DYNC1H1: variants seen among roughly 807,000 people sequenced by gnomAD.
DYNC1H1 encodes the protein dynein cytoplasmic 1 heavy chain 1.
In DYNC1H1, 51 loss-of-function variants were observed where a neutral mutation model predicts 527.1. The ratio of observed to expected loss-of-function variants is 0.10; its 90% CI spans 0.08 to 0.12. The LOEUF is 0.12. Among genes scored for constraint, DYNC1H1 ranks in the 10% least tolerant of loss-of-function variants. The pLI is 1.00. For missense variants in DYNC1H1, 2,771 were observed against 5,971.8 expected (o/e 0.46, Z 17.66); for synonymous variants, 2,189 against 2,278.8 (o/e 0.96, Z 1.12).
Position 102,027,418 on chromosome 14 carries a change from A to G in DYNC1H1, c.8922A>G (p.Glu2974=), listed in dbSNP as rs749930805. Residue 2974 remains glutamate (E), a synonymous_variant, in exon 46 of 78, where the codon GAA becomes GAG. Transcript: ENST00000360184. The surrounding 1 kb of genome is among the most constrained non-coding windows in gnomAD (Gnocchi z 7.7). ...AGTACACAGGGGAAGACTTTGATGAAGATCTACGGACAGTGTTGAGACGTT... is the reference window on the plus strand; with the variant it reads ...AGTACACAGGGGAAGACTTTGATGAGGATCTACGGACAGTGTTGAGACGTT... ...HRKYTGEDFD[E]DLRTVLRRSG... 1 of 1,614,168 alleles carries G rather than the reference A, an allele frequency of 6.2e-7. No individual in the cohort carries two copies. Among genetic ancestry groups the G allele is most frequent in the Non-Finnish European group, 8.5e-7 (1 of 1,180,030 alleles).
intron 69 of DYNC1H1, 49 bp from the exon 70 acceptor site, chr14:102,043,826 C>G (rs754304651): frequency 1.2e-6 from 2 of 1,613,350 alleles, no homozygotes; most frequent in Non-Finnish European, 1.7e-6. Context: ...CTGTTCTTGG[C>G]GAAGTGCTGT....
chr14:101,996,115 TTTTTC>T lies in DYNC1H1; in HGVS notation c.3564+835_3564+839del, dbSNP rs1168213603. Among the ~76,000 whole-genome samples the T allele has an allele frequency of 2.1e-3, 314 of 151,160 alleles. 2 individuals carry two copies. Among genetic ancestry groups the T allele is most frequent in the African/African-American group, 7.2e-3 (297 of 41,240 alleles). On this transcript the variant is annotated intron_variant, in intron 15 of 77. Transcript: ENST00000360184. ...TCAGTGCAGATACTGGGCATCTAGG[TTTTTC>T]TTTTCTTTTCTTTTCTTTTTTTTTT...
intron 10 of DYNC1H1, 61 bp from the exon 11 acceptor site, chr14:101,991,465 TA>T (rs529817840): frequency 6.2e-6 from 10 of 1,606,298 alleles, no homozygotes. Context: ...AACTCTGTCT[TA>T]AAAAAATTTT....
In DYNC1H1 at chr14:101,975,730, GAGA is replaced by G. The variant is rs913021962; in HGVS notation, c.283_285del (p.Glu95del). 5 of 1,613,490 alleles carry G rather than the reference GAGA, an allele frequency of 3.1e-6. No individual in the cohort carries two copies. Among genetic ancestry groups the G allele is most frequent in the South Asian group, 1.1e-5 (1 of 91,044 alleles). ...TTTGTAGAGGACGTCGGTGATGAAGGAGAAGAAGAAAAAGAATTCATTTCCTAT... is the reference window on the plus strand; with the variant it reads ...TTTGTAGAGGACGTCGGTGATGAAGGAGAAGAAAAAGAATTCATTTCCTAT... On this transcript the variant is annotated inframe_deletion, in exon 2 of 78. Coordinates refer to ENST00000360184, the MANE Select transcript of DYNC1H1 (RefSeq NM_001376.5).
chr14:102,022,251 C>G (rs937513123), intron 42 of DYNC1H1, among the ~76,000 whole-genome samples: 1 of 151,970 alleles, frequency 6.6e-6, no homozygotes, highest in African/African-American at 2.4e-5. Flanking sequence ...AATCCCAGCA[C>G]TTTGGGAGGC....
rs932534422 is a variant in DYNC1H1 at position 102,053,031 on chromosome 14, A to T, written c.*2468A>T. The stretch of plus-strand genomic sequence containing the variant: ...GGACAAAAGTGTTTCTCAGTCCAAG[A>T]GCAGTTCTGCGAGGCGGAATCAAGT... On this transcript the variant is annotated 3_prime_UTR_variant, in exon 78 of 78. Coordinates refer to ENST00000360184, the MANE Select transcript of DYNC1H1 (RefSeq NM_001376.5). The T allele has an allele frequency of 2.0e-5, 3 of 152,034 alleles. No homozygotes were observed. The highest frequency in any genetic ancestry group is 4.4e-5 in the Non-Finnish European group (3 of 68,004). 9.4% of individuals were successfully genotyped at this position (152,034 alleles called of 1,614,324 possible).
chr14:102,039,976 TA>T lies in DYNC1H1; in HGVS notation c.11690+245del, dbSNP rs2048626412. 6.6e-6 allele frequency among the ~76,000 whole-genome samples: 1 copy of T among 152,208 alleles called. No homozygotes were observed. The highest frequency in any genetic ancestry group is 2.4e-5 in the African/African-American group (1 of 41,448). ...CTTCAGTCTCCGAAGTAGCTAGGAC[TA>T]TAGGCGCAGGCCACCACATCTGGCT... On this transcript the variant is annotated intron_variant, in intron 62 of 77. Transcript: ENST00000360184. This position sits in a 1 kb window ranked among gnomAD's most constrained non-coding sequence, Gnocchi z 7.0.
chr14:102,036,130 C>T lies in DYNC1H1; in HGVS notation c.10755-359C>T, dbSNP rs11622472. 5,734 of 288,664 alleles carry T rather than the reference C, an allele frequency of 0.02. 87 individuals carry two copies. The highest frequency in any genetic ancestry group is 0.042 in the South Asian group (1,236 of 29,150). The allele number at this position is 288,664 out of a possible 1,614,324, so 17.9% of individuals were successfully genotyped here. ...GTATAATGTTAATCCCTTGCTGCTG[C>T]GACATCATTGATGTTGATACGTGCT... On this transcript the variant is annotated intron_variant, in intron 56 of 77. Transcript: ENST00000360184. This position sits in a 1 kb window ranked among gnomAD's most constrained non-coding sequence, Gnocchi z 5.6.
At position 102,054,846 on chromosome 14, in the gene DYNC1H1, G is replaced by A. The variant is rs2048859636; in HGVS notation, c.*4283G>A. The stretch of plus-strand genomic sequence containing the variant: ...GGCCTCCCAAAGTGCTGGGATTACA[G>A]GCATGAGCCACCACTCCTGGCCCTC... On this transcript the variant is annotated 3_prime_UTR_variant, in exon 78 of 78. Coordinates refer to ENST00000360184, the MANE Select transcript of DYNC1H1 (RefSeq NM_001376.5). 6.6e-6 allele frequency: 1 copy of A among 152,210 alleles called. No homozygotes were observed. 9.4% of individuals were successfully genotyped at this position (152,210 alleles called of 1,614,324 possible).
intron 10 of DYNC1H1, among the ~76,000 whole-genome samples, chr14:101,989,862 C>T (rs1001844569): frequency 1.3e-5 from 2 of 152,194 alleles, no homozygotes; most frequent in African/African-American, 4.8e-5. Flanking sequence ...ACGACAAGAC[C>T]ACATATACAA....
Position 102,038,482 on chromosome 14 carries a change from T to C in DYNC1H1, c.10931T>C (p.Val3644Ala). The change falls in exon 58 of 78, where the codon GTT becomes GCT. Residue 3644 changes from valine (V) to alanine (A), a missense_variant. Transcript: ENST00000360184. This position sits in a 1 kb window ranked among gnomAD's most constrained non-coding sequence, Gnocchi z 7.2. ...CAGGATGTGGAAAGCTACGATCCAG[T>C]TTTGAACCCGGTGCTGAACCGTGAA... Reference protein sequence around the residue: ...LVQDVESYDPVLNPVLNREVR... With the variant: ...LVQDVESYDPALNPVLNREVR... The C allele has an allele frequency of 6.2e-7, 1 of 1,614,074 alleles. No homozygotes were observed. The highest frequency in any genetic ancestry group is 8.5e-7 in the Non-Finnish European group (1 of 1,180,030).
chr14:101,999,942 C>T (rs376518531), intron 16 of DYNC1H1, 47 bp from the exon 17 acceptor site: 2 of 1,613,608 alleles, frequency 1.2e-6, no homozygotes, highest in East Asian at 2.2e-5. Context: ...ATGCTCATCT[C>T]TCCTGAGACA....
intron 5 of DYNC1H1, among the ~76,000 whole-genome samples, chr14:101,982,138 C>T (rs570947177): frequency 1.3e-5 from 2 of 152,104 alleles, no homozygotes; most frequent in South Asian, 2.1e-4. Context: ...TTGTGAACTG[C>T]GCACGCGAGG....
rs150906249 is a variant in DYNC1H1, at chr14:102,049,475, C to T, written c.13408C>T (p.Pro4470Ser). 8.7e-6 allele frequency: 14 copies of T among 1,614,070 alleles called. No homozygotes were observed. The highest frequency in any genetic ancestry group is 1.2e-5 in the Non-Finnish European group (14 of 1,180,050). ...LPRSWSHYTV[P>S]AGMTVIQWVS... The stretch of plus-strand genomic sequence containing the variant: ...TCGGAGCTGGTCCCACTACACGGTG[C>T]CTGCCGGCATGACCGTCATCCAGTG... Residue 4470 changes from proline to serine, a missense_variant, in exon 75 of 78, where the codon CCT becomes TCT. Physicochemically the swap from Pro to Ser is moderately conservative, Grantham distance 74 (BLOSUM62 -1). Transcript: ENST00000360184. This position sits in a 1 kb window ranked among gnomAD's most constrained non-coding sequence, Gnocchi z 5.5.
chr14:102,032,688 CA>C (rs1195385008), intron 52 of DYNC1H1: 9 of 622,672 alleles, frequency 1.4e-5, no homozygotes, highest in East Asian at 2.9e-5. Context: ...CCTGTCTCTA[CA>C]AAAAAATACA....
rs1567022155 is a variant in DYNC1H1 at position 102,041,333 on chromosome 14, T to C, written c.11942-241T>C. The C allele has an allele frequency of 1.7e-6, 1 of 597,480 alleles. No homozygotes were observed. Among genetic ancestry groups the C allele is most frequent in the Non-Finnish European group, 3.0e-6 (1 of 337,622 alleles). The allele number at this position is 597,480 out of a possible 1,614,324, so 37.0% of individuals were successfully genotyped here. A position where few individuals can be genotyped will look rare whatever the true frequency, so the allele number is the denominator to read the frequency against. On this transcript the variant is annotated intron_variant, in intron 64 of 77. Coordinates refer to ENST00000360184, the MANE Select transcript of DYNC1H1 (RefSeq NM_001376.5). The surrounding 1 kb of genome is among the most constrained non-coding windows in gnomAD (Gnocchi z 4.5). ...GTGAGCAGGTATTAGTTTAGTAATC[T>C]AAAAATCAGCAAATGGCACCTTTGT...
chr14:101,992,520 A>G (rs1380573371), intron 11 of DYNC1H1, among the ~76,000 whole-genome samples: 1 of 152,114 alleles, frequency 6.6e-6, no homozygotes, highest in East Asian at 1.9e-4. Context: ...TCCAAATTTA[A>G]CAAACTAAAG....
At chr14:101,981,688 G>T (rs542826713) in intron 5 of DYNC1H1, among the ~76,000 whole-genome samples, 1 of 152,250 alleles carries the variant, frequency 6.6e-6, no homozygotes, top group Admixed American at 6.5e-5. Flanking sequence ...AGATCACATT[G>T]CACACATTAC....
Position 102,039,453 on chromosome 14 carries a change from C to G in DYNC1H1, c.11502C>G (p.Asp3834Glu). ...LYQYSLQFFL[D>E]IYHNVLYENP... is the part of the protein sequence containing the mutation. The stretch of plus-strand genomic sequence containing the variant: ...AGTACTCCCTCCAGTTTTTCCTGGA[C>G]ATTTATCACAACGTCCTATACGAGA... Residue 3834 changes from aspartate (D) to glutamate (E), a missense_variant, in exon 61 of 78, where the codon GAC (aspartate) becomes GAG (glutamate). Asp to Glu is a conservative substitution (Grantham distance 45, BLOSUM62 2). This residue lies in a region of DYNC1H1 where 283 missense variants were observed against 737.6 expected (regional missense o/e 0.38). Coordinates refer to ENST00000360184, the MANE Select transcript of DYNC1H1 (RefSeq NM_001376.5). This position sits in a 1 kb window ranked among gnomAD's most constrained non-coding sequence, Gnocchi z 7.0. The G allele has an allele frequency of 6.2e-7, 1 of 1,614,248 alleles. No homozygotes were observed. The highest frequency in any genetic ancestry group is 8.5e-7 in the Non-Finnish European group (1 of 1,180,052).
Sources: allele counts gnomAD v4.1 joint callset (sites outside exome capture counted in the v4.1 genomes callset), GRCh38; gene constraint gnomAD v4.1.1; regional missense constraint gnomAD v4.1.1; non-coding constraint Gnocchi (gnomAD v3.1); transcripts MANE v1.5; gene names NCBI Gene and HGNC (gene_info 2026-07-23, HGNC 2026-07-21).